The following ZNF827 variants were observed in gnomAD, a reference collection of about 807,000 sequenced individuals.
The protein encoded by ZNF827 is zinc finger protein 827.
A neutral mutation model predicts 102.4 loss-of-function variants in ZNF827; 13 were observed. The ratio of observed to expected loss-of-function variants is 0.13; its 90% confidence interval spans 0.08 to 0.20. The LOEUF (loss-of-function observed/expected upper bound fraction) is 0.20. ZNF827 is among the 10% of genes least tolerant of loss of function. ZNF827 has a pLI of 1.00. For missense variants in ZNF827, 1,103 were observed against 1,344.4 expected (o/e 0.82, Z 2.81); for synonymous variants, 523 against 536.2 (o/e 0.98, Z 0.34).
chr4:145,894,277 A>G (rs993811032), intron 2 of ZNF827, among the ~76,000 whole-genome samples: 3 of 152,230 alleles, frequency 2.0e-5, no homozygotes, highest in Admixed American at 6.5e-5. Flanking sequence ...TTTTATTTGC[A>G]TATGAAAACT....
intron 8 of ZNF827, among the ~76,000 whole-genome samples, chr4:145,810,052 G>A (rs1278358978): frequency 1.3e-5 from 2 of 152,152 alleles, no homozygotes; most frequent in African/African-American, 4.8e-5. Context: ...TATAAAAATG[G>A]AAATTCATAA....
chr4:145,880,595 C>T lies in ZNF827; in HGVS notation c.1747+5083G>A, dbSNP rs192330966. Among the ~76,000 whole-genome samples the T allele has an allele frequency of 1.2e-3, 189 of 152,298 alleles. 1 individual carries two copies. Among genetic ancestry groups the T allele is most frequent in the African/African-American group, 4.2e-3 (173 of 41,564 alleles). ...GTCACTGAAAAATAAGAAAGAGTCA[C>T]ACTCTTCCTCTCTTATGAATCACCA... On this transcript the variant is annotated intron_variant, in intron 4 of 14. Transcript: ENST00000508784.
chr4:145,796,926 C>T (rs190295923), intron 8 of ZNF827, among the ~76,000 whole-genome samples: 15 of 152,294 alleles, frequency 9.8e-5, no homozygotes, highest in East Asian at 5.8e-4. Flanking sequence ...CCAGCGTGCC[C>T]GGCCTCATTT....
chr4:145,880,605 C>T (rs1188806971), intron 4 of ZNF827, among the ~76,000 whole-genome samples: 3 of 152,182 alleles, frequency 2.0e-5, no homozygotes, highest in Non-Finnish European at 4.4e-5. Flanking sequence ...CACTCTTCCT[C>T]TCTTATGAAT....
At chr4:145,906,981 T>A (rs751628671) in intron 1 of ZNF827, 11 of 437,692 alleles carry the variant, frequency 2.5e-5, no homozygotes, top group Non-Finnish European at 4.5e-5. Flanking sequence ...TAAGTTACCA[T>A]ATAATTTTAA....
chr4:145,783,311 A>G (rs1738374116), intron 8 of ZNF827, among the ~76,000 whole-genome samples: 1 of 152,250 alleles, frequency 6.6e-6, no homozygotes, highest in African/African-American at 2.4e-5. Flanking sequence ...TTCTTATTTT[A>G]TAGTAGGAAA....
At chr4:145,911,939 A>G (rs1752328834) in intron 1 of ZNF827, among the ~76,000 whole-genome samples, 1 of 152,226 alleles carries the variant, frequency 6.6e-6, no homozygotes, top group Non-Finnish European at 1.5e-5. Flanking sequence ...TCATCCTCAC[A>G]ATAATTTTAT....
chr4:145,903,333 A>G (rs1751581412), intron 1 of ZNF827, 118 bp from the exon 2 acceptor site: 1 of 1,446,150 alleles, frequency 6.9e-7, no homozygotes, highest in Non-Finnish European at 9.1e-7. Flanking sequence ...AACCAAATGA[A>G]AGGTGGCAAC....
chr4:145,833,976 A>G lies in ZNF827; in HGVS notation c.2280-10451T>C, dbSNP rs529239469. 9.4e-5 allele frequency among the ~76,000 whole-genome samples: 14 copies of G among 149,660 alleles called. No individual in the cohort carries two copies. The South Asian group carries it at 2.9e-3, about 31-fold the overall frequency. On this transcript the variant is annotated intron_variant, in intron 7 of 14. Transcript: ENST00000508784. ...CATTTCTCTACTCTCTCTTTTCTCT[A>G]GGCTTGCTTCCTTCACTATGGGCAA...
intron 2 of ZNF827, among the ~76,000 whole-genome samples, chr4:145,899,955 C>T (rs1262312268): frequency 6.6e-6 from 1 of 152,120 alleles, no homozygotes; most frequent in Non-Finnish European, 1.5e-5. Context: ...AAGTAAGAAA[C>T]GATTTCTTAT....
Position 145,760,841 on chromosome 4 carries a change from G to A in ZNF827, c.*775C>T, listed in dbSNP as rs1734379484. On this transcript the variant is annotated 3_prime_UTR_variant, in exon 15 of 15. Coordinates refer to ENST00000508784, the MANE Select transcript of ZNF827 (RefSeq NM_001306215.2). ...GCCAGGAAGGAGTGTTTGGGTGAGG[G>A]GATGCTGGGAGGCGCAGTCTGAGGT... 2 of 1,206,938 alleles carry A rather than the reference G, an allele frequency of 1.7e-6. No individual in the cohort carries two copies. Among genetic ancestry groups the A allele is most frequent in the East Asian group, 5.8e-5 (1 of 17,326 alleles). The allele number at this position is 1,206,938 out of a possible 1,614,324, so 74.8% of individuals were successfully genotyped here. A position where few individuals can be genotyped will look rare whatever the true frequency, so the allele number is the denominator to read the frequency against.
At chr4:145,835,964 G>C (rs1293416394) in intron 7 of ZNF827, among the ~76,000 whole-genome samples, 2 of 150,574 alleles carry the variant, frequency 1.3e-5, no homozygotes, top group African/African-American at 2.4e-5. Context: ...CTCAATACCT[G>C]CCTCTACAAC....
At chr4:145,938,114 G>A (rs1314440955) in intron 1 of ZNF827, among the ~76,000 whole-genome samples, 1 of 147,756 alleles carries the variant, frequency 6.8e-6, no homozygotes, top group Non-Finnish European at 1.5e-5. Flanking sequence ...CCGATCTCAA[G>A]GAAAAAAAGG....
At chr4:145,819,508 G>A (rs553727703) in intron 8 of ZNF827, among the ~76,000 whole-genome samples, 13 of 152,302 alleles carry the variant, frequency 8.5e-5, no homozygotes, top group African/African-American at 3.1e-4. Context: ...CACATGCCCT[G>A]AAAATCACCT....
intron 1 of ZNF827, among the ~76,000 whole-genome samples, chr4:145,932,511 G>T (rs1292143954): frequency 6.9e-6 from 1 of 144,142 alleles, no homozygotes; most frequent in African/African-American, 2.6e-5. Context: ...GTCTCGCTCT[G>T]TCGAACAGGC....
chr4:145,888,194 T>C (rs770203332), intron 3 of ZNF827, among the ~76,000 whole-genome samples: 8 of 152,232 alleles, frequency 5.3e-5, no homozygotes, highest in Non-Finnish European at 8.8e-5. Flanking sequence ...TAACAATTTT[T>C]TTTGAGCTAC....
intron 8 of ZNF827, among the ~76,000 whole-genome samples, chr4:145,783,946 A>G (rs1738480687): frequency 6.6e-6 from 1 of 152,068 alleles, no homozygotes; most frequent in African/African-American, 2.4e-5. Context: ...GTTCTCGTGA[A>G]TGGTTTAGCA....
chr4:145,865,297 G>C (rs947630684), intron 5 of ZNF827, among the ~76,000 whole-genome samples: 1 of 152,204 alleles, frequency 6.6e-6, no homozygotes, highest in Non-Finnish European at 1.5e-5. Context: ...CTTCACTGAA[G>C]AGAGATGGTT....
rs180800266 is a variant in ZNF827, at chr4:145,865,494, C to T, written c.1981+4751G>A. Among the ~76,000 whole-genome samples, 3 of 152,302 alleles carry T rather than the reference C, an allele frequency of 2.0e-5. No individual in the cohort carries two copies. The East Asian group carries it at 5.8e-4, about 29-fold the overall frequency. On this transcript the variant is annotated intron_variant, in intron 5 of 14. Coordinates refer to ENST00000508784, the MANE Select transcript of ZNF827 (RefSeq NM_001306215.2). Reference sequence around the variant, plus strand: ...GAAAACACAGACAGCGGGACTCCCACCCCCAGAGTTTCAACTAGGTCCAGA... The same window carrying T: ...GAAAACACAGACAGCGGGACTCCCATCCCCAGAGTTTCAACTAGGTCCAGA...
Sources: allele counts gnomAD v4.1 joint callset (sites outside exome capture counted in the v4.1 genomes callset), GRCh38; gene constraint gnomAD v4.1.1; transcripts MANE v1.5; gene names NCBI Gene and HGNC (gene_info 2026-07-23, HGNC 2026-07-21).